The following CAPZB variants were observed in gnomAD, a reference collection of about 807,000 sequenced individuals.
CAPZB encodes F-actin-capping protein subunit beta.
CAPZB carries 2 observed loss-of-function variants against 38.1 expected under a neutral mutation model. That is an observed-to-expected ratio of 0.05 (90% CI 0.02 to 0.17). The LOEUF is 0.17. Ranked by LOEUF, CAPZB falls within the 10% of genes least tolerant of loss-of-function variation. The probability of loss-of-function intolerance (pLI) is 1.00; values close to 1 mark genes in which losing one functional copy is unlikely to be tolerated. For missense variants in CAPZB, 161 were observed against 334.2 expected (o/e 0.48, Z 4.04); for synonymous variants, 107 against 127.4 (o/e 0.84, Z 1.08).
At chr1:19,459,010 T>A (rs1000011476) in intron 1 of CAPZB, among the ~76,000 whole-genome samples, 2 of 152,212 alleles carry the variant, frequency 1.3e-5, no homozygotes, top group African/African-American at 4.8e-5. Context: ...CAAAGTCTGT[T>A]GGCAGGAGAC....
At chr1:19,427,969 A>G (rs2094429170) in intron 1 of CAPZB, among the ~76,000 whole-genome samples, 2 of 152,242 alleles carry the variant, frequency 1.3e-5, no homozygotes, top group South Asian at 2.1e-4. Context: ...TACTCTGACC[A>G]TAGAGACAAA....
rs548143723 is a variant in CAPZB at position 19,428,469 on chromosome 1, A to G, written c.4-8719T>C. On this transcript the variant is annotated intron_variant, in intron 1 of 8. Coordinates refer to ENST00000264202, the MANE Select transcript of CAPZB (RefSeq NM_004930.5). Reference sequence around the variant, plus strand: ...TAAGCCATTTTAAAGTGAACAATTCAGTGGCTATGTTAAGGTCATTTGGAT... The same window carrying G: ...TAAGCCATTTTAAAGTGAACAATTCGGTGGCTATGTTAAGGTCATTTGGAT... 2.0e-5 allele frequency among the ~76,000 whole-genome samples: 3 copies of G among 152,204 alleles called. No individual in the cohort carries two copies. The East Asian group carries it at 5.8e-4, about 29-fold the overall frequency.
At chr1:19,410,420 G>A (rs182906451) in intron 2 of CAPZB, among the ~76,000 whole-genome samples, 9 of 152,320 alleles carry the variant, frequency 5.9e-5, no homozygotes, top group Admixed American at 5.2e-4. Context: ...TACTACTTGT[G>A]TCTGGGCAGG....
chr1:19,339,479 GAA>G lies in CAPZB; in HGVS notation c.*49_*50del, dbSNP rs750405804. On this transcript the variant is annotated 3_prime_UTR_variant, in exon 9 of 9. Coordinates refer to ENST00000264202, the MANE Select transcript of CAPZB (RefSeq NM_004930.5). ...AGGGAGCAGAAAACGAGTTTTCTAA[GAA>G]AGGAATCTAACGAGTGCACGGCGTG... is the stretch of plus-strand genomic sequence containing the variant. 7.2e-7 allele frequency: 1 copy of G among 1,388,492 alleles called. No homozygotes were observed. The highest frequency in any genetic ancestry group is 1.0e-6 in the Non-Finnish European group (1 of 974,274). 86.0% of individuals were successfully genotyped at this position (1,388,492 alleles called of 1,614,324 possible). A position where few individuals can be genotyped will look rare whatever the true frequency, so the allele number is the denominator to read the frequency against.
At chr1:19,406,493 G>C (rs1368188132) in intron 2 of CAPZB, among the ~76,000 whole-genome samples, 1 of 152,182 alleles carries the variant, frequency 6.6e-6, no homozygotes, top group Admixed American at 6.5e-5. Flanking sequence ...GCTAAGAATT[G>C]TGAAGACAGC....
intron 1 of CAPZB, among the ~76,000 whole-genome samples, chr1:19,431,386 T>A (rs1018371162): frequency 6.6e-6 from 1 of 152,192 alleles, no homozygotes; most frequent in Admixed American, 6.5e-5. Context: ...AGTTTAATCA[T>A]CAGTCAAAAT....
intron 1 of CAPZB, among the ~76,000 whole-genome samples, chr1:19,461,618 AT>A (rs1343723166): frequency 6.6e-6 from 1 of 152,224 alleles, no homozygotes; most frequent in African/African-American, 2.4e-5. Flanking sequence ...GGTAAAATCT[AT>A]TTTTGTAAAA....
At chr1:19,367,646 T>A (rs1416672379) in intron 4 of CAPZB, among the ~76,000 whole-genome samples, 1 of 152,160 alleles carries the variant, frequency 6.6e-6, no homozygotes, top group Non-Finnish European at 1.5e-5. Context: ...GGGACAGGTA[T>A]TCAGCGGAAA....
intron 1 of CAPZB, among the ~76,000 whole-genome samples, chr1:19,442,097 C>T (rs1454984472): frequency 6.6e-6 from 1 of 150,840 alleles, no homozygotes; most frequent in African/African-American, 2.4e-5. Flanking sequence ...AGATGAAGGG[C>T]TCTGTCATCT....
chr1:19,366,298 ATATATAT>A (rs1379388211), intron 4 of CAPZB, among the ~76,000 whole-genome samples: 2 of 104,502 alleles, frequency 1.9e-5, no homozygotes, highest in African/African-American at 9.6e-5. Context: ...ATATATATAT[ATATATAT>A]ATATAAATAA....
chr1:19,457,216 G>A (rs1264878816), intron 1 of CAPZB, among the ~76,000 whole-genome samples: 4 of 152,180 alleles, frequency 2.6e-5, no homozygotes, highest in Non-Finnish European at 5.9e-5. Flanking sequence ...GAGGTTTACG[G>A]CTGATTAGGC....
intron 1 of CAPZB, among the ~76,000 whole-genome samples, chr1:19,465,065 A>C (rs2094564770): frequency 6.6e-6 from 1 of 152,216 alleles, no homozygotes; most frequent in Non-Finnish European, 1.5e-5. Flanking sequence ...AACAAAAAAA[A>C]GAAGACCCTA....
At chr1:19,411,475 C>A (rs2094356646) in intron 2 of CAPZB, among the ~76,000 whole-genome samples, 1 of 152,158 alleles carries the variant, frequency 6.6e-6, no homozygotes, top group South Asian at 2.1e-4. Flanking sequence ...TGTTCTAGGA[C>A]AGCTCAGGAC....
chr1:19,429,036 C>G lies in CAPZB; in HGVS notation c.4-9286G>C, dbSNP rs549819181. ...ACAGCAATCTCTCTAAAATGTATTACCTGCTCTACATTTTTACACAATGCA... is the reference window on the plus strand; with the variant it reads ...ACAGCAATCTCTCTAAAATGTATTAGCTGCTCTACATTTTTACACAATGCA... On this transcript the variant is annotated intron_variant, in intron 1 of 8. Transcript: ENST00000264202. 4.5e-4 allele frequency among the ~76,000 whole-genome samples: 68 copies of G among 152,298 alleles called. 1 individual carries two copies. The highest frequency in any genetic ancestry group is 8.4e-4 in the Non-Finnish European group (57 of 68,034).
Position 19,353,475 on chromosome 1 carries a change from C to G in CAPZB, c.588+3160G>C, listed in dbSNP as rs544756416. Among the ~76,000 whole-genome samples, 3 of 152,018 alleles carry G rather than the reference C, an allele frequency of 2.0e-5. No homozygotes were observed. In the South Asian group the frequency reaches 6.2e-4, roughly 32 times the overall value. On this transcript the variant is annotated intron_variant, in intron 6 of 8. Coordinates refer to ENST00000264202, the MANE Select transcript of CAPZB (RefSeq NM_004930.5). ...CCCCCAGCCTGCCCCTCTTCCCCTGCCCTTCTGTTTCTGCCCTTGCCACCT... is the reference window on the plus strand; with the variant it reads ...CCCCCAGCCTGCCCCTCTTCCCCTGGCCTTCTGTTTCTGCCCTTGCCACCT...
intron 2 of CAPZB, among the ~76,000 whole-genome samples, chr1:19,412,565 A>C (rs2094361837): frequency 6.6e-6 from 1 of 152,188 alleles, no homozygotes; most frequent in East Asian, 1.9e-4. Flanking sequence ...CTTCAGATGA[A>C]TGCCACATTT....
intron 4 of CAPZB, among the ~76,000 whole-genome samples, chr1:19,377,876 A>C (rs2094151706): frequency 6.6e-6 from 1 of 152,214 alleles, no homozygotes; most frequent in Non-Finnish European, 1.5e-5. Flanking sequence ...AACGCTTTTT[A>C]AGGAAGGTGC....
intron 1 of CAPZB, among the ~76,000 whole-genome samples, chr1:19,482,248 A>G (rs1182525440): frequency 1.3e-5 from 2 of 152,240 alleles, no homozygotes; most frequent in Non-Finnish European, 2.9e-5. Flanking sequence ...CCTACTTTTT[A>G]TAAGCATGCC....
At chr1:19,387,383 T>C (rs1049567986) in intron 2 of CAPZB, among the ~76,000 whole-genome samples, 3 of 152,164 alleles carry the variant, frequency 2.0e-5, no homozygotes, top group African/African-American at 7.2e-5. Flanking sequence ...ACAGAGCCCT[T>C]CAACTGGAAG....
Sources: gnomAD v4.1 joint callset for allele counts (sites outside exome capture counted in the v4.1 genomes callset) on GRCh38, gnomAD v4.1.1 for gene constraint, MANE v1.5 for transcripts, NCBI Gene and HGNC (gene_info 2026-07-23, HGNC 2026-07-21) for gene names.